Variants in CATSPERB observed in about 807,000 individuals in gnomAD.
CATSPERB encodes the protein cation channel sperm-associated auxiliary subunit beta.
A neutral mutation model predicts 128.3 loss-of-function variants in CATSPERB; 93 were observed. That is an observed-to-expected ratio of 0.72 (90% confidence interval 0.61 to 0.86). The LOEUF (loss-of-function observed/expected upper bound fraction) is 0.86. Ranked by LOEUF, CATSPERB falls within the 40% of genes least tolerant of loss-of-function variation. CATSPERB has a pLI of 0.00. For missense variants in CATSPERB, 1,153 were observed against 1,329.5 expected (o/e 0.87, Z 2.06); for synonymous variants, 381 against 448.8 (o/e 0.85, Z 1.91).
intron 21 of CATSPERB, 83 bp downstream of exon 21, chr14:91,610,397 G>A: frequency 1.8e-6 from 2 of 1,086,888 alleles, no homozygotes; most frequent in Middle Eastern, 2.2e-4. Flanking sequence ...CAAAAGAAAT[G>A]CTGAAACTGA....
chr14:91,661,049 A>G (rs1894872139), intron 14 of CATSPERB, among the ~76,000 whole-genome samples: 1 of 152,188 alleles, frequency 6.6e-6, no homozygotes, highest in African/African-American at 2.4e-5. Context: ...TCTGTTACTC[A>G]GGATGCAGCA....
intron 4 of CATSPERB, among the ~76,000 whole-genome samples, chr14:91,719,853 G>C (rs983582418): frequency 3.9e-5 from 6 of 152,266 alleles, no homozygotes; most frequent in Middle Eastern, 3.4e-3. Context: ...ATATTAAGAG[G>C]AAAATTCCAG....
intron 26 of CATSPERB, among the ~76,000 whole-genome samples, chr14:91,586,780 A>G (rs1281340002): frequency 1.3e-5 from 2 of 152,188 alleles, no homozygotes; most frequent in Non-Finnish European, 1.5e-5. Flanking sequence ...GGATCTTGAA[A>G]GCCTTTGAAA....
At chr14:91,729,846 C>T (rs923651950) in intron 1 of CATSPERB, among the ~76,000 whole-genome samples, 8 of 152,126 alleles carry the variant, frequency 5.3e-5, no homozygotes, top group Admixed American at 2.0e-4. Context: ...GACAACGTTG[C>T]TTTTGGGGAA....
intron 5 of CATSPERB, among the ~76,000 whole-genome samples, chr14:91,712,972 T>C (rs906999695): frequency 6.6e-6 from 1 of 152,166 alleles, no homozygotes; most frequent in Admixed American, 6.5e-5. Context: ...TCCTCATCAA[T>C]ATTATAATGA....
chr14:91,721,065 A>G (rs1161489660), intron 4 of CATSPERB, among the ~76,000 whole-genome samples: 1 of 152,176 alleles, frequency 6.6e-6, no homozygotes, highest in Non-Finnish European at 1.5e-5. Flanking sequence ...CACATCAAAT[A>G]CAAAAATGAA....
At position 91,624,622 on chromosome 14, in the gene CATSPERB, T is replaced by C. The variant is rs373977610; in HGVS notation, c.1930+198A>G. Among the ~76,000 whole-genome samples the C allele has an allele frequency of 1.2e-4, 18 of 148,136 alleles. No homozygotes were observed. The East Asian group carries it at 2.2e-3, about 18-fold the overall frequency. ...CGTCACTACACTCCAGCCTGGGCGA[T>C]AGAGCGAGACTCCATTGCCAAAAAA... On this transcript the variant is annotated intron_variant, in intron 18 of 26. Transcript: ENST00000256343.
chr14:91,624,760 CA>C (rs1239312183), intron 18 of CATSPERB, 59 bp downstream of exon 18: 2 of 1,303,862 alleles, frequency 1.5e-6, no homozygotes, highest in Non-Finnish European at 2.1e-6. Flanking sequence ...AATGCCTTCA[CA>C]AAAGATAATT....
At chr14:91,636,299 G>T in intron 17 of CATSPERB, 126 bp downstream of exon 17, 1 of 786,222 alleles carries the variant, frequency 1.3e-6, no homozygotes. Context: ...GGAGATTGAG[G>T]CTGCAGTGAG....
At chr14:91,722,841 GTA>G (rs1421835766) in intron 4 of CATSPERB, among the ~76,000 whole-genome samples, 1 of 151,996 alleles carries the variant, frequency 6.6e-6, no homozygotes, top group East Asian at 1.9e-4. Context: ...AAATATGTAG[GTA>G]AAGGGTACAA....
Position 91,580,834 on chromosome 14 carries a change from C to G in CATSPERB, c.*55G>C. ...ATATTTAACATTTAAATATATTGTT[C>G]TAGGAATTGGCTGATAAAACTAGAA... On this transcript the variant is annotated 3_prime_UTR_variant, in exon 27 of 27. Transcript: ENST00000256343. 7.4e-7 allele frequency: 1 copy of G among 1,344,330 alleles called. No homozygotes were observed. The highest frequency in any genetic ancestry group is 1.1e-6 in the Non-Finnish European group (1 of 947,526). The allele number at this position is 1,344,330 out of a possible 1,614,324, so 83.3% of individuals were successfully genotyped here.
chr14:91,603,466 T>C, intron 22 of CATSPERB: 3 of 1,376,564 alleles, frequency 2.2e-6, no homozygotes, highest in Non-Finnish European at 3.1e-6. Context: ...GTGGGCAAAT[T>C]CTGCTCCCTA....
rs1439979639 is a variant in CATSPERB at position 91,643,907 on chromosome 14, A to G, written c.1433-4657T>C. On this transcript the variant is annotated intron_variant, in intron 15 of 26. Coordinates refer to ENST00000256343, the MANE Select transcript of CATSPERB (RefSeq NM_024764.4). ...ATCTGGGTGCTCCTGTATTGGGTGC[A>G]TATATATTTAGGATAATTAGCTCTT... Among the ~76,000 whole-genome samples, 13 of 125,248 alleles carry G rather than the reference A, an allele frequency of 1.0e-4. 2 individuals carry two copies. The highest frequency in any genetic ancestry group is 4.0e-4 in the African/African-American group (13 of 32,390). The allele number at this position is 125,248 out of a possible 152,430, so 82.2% of individuals were successfully genotyped here. A position where few individuals can be genotyped will look rare whatever the true frequency, so the allele number is the denominator to read the frequency against.
At chr14:91,666,277 CT>C (rs1894981678) in intron 14 of CATSPERB, among the ~76,000 whole-genome samples, 1 of 152,204 alleles carries the variant, frequency 6.6e-6, no homozygotes, top group African/African-American at 2.4e-5. Context: ...ATTAAAACGG[CT>C]GCGGGGGTTC....
chr14:91,671,398 A>C (rs56394967), intron 13 of CATSPERB, among the ~76,000 whole-genome samples: 1 of 151,890 alleles, frequency 6.6e-6, no homozygotes, highest in South Asian at 2.1e-4. Context: ...ACATGACAAA[A>C]CCCCATCTCT....
intron 18 of CATSPERB, among the ~76,000 whole-genome samples, chr14:91,622,309 C>A (rs1358748552): frequency 6.6e-6 from 1 of 151,916 alleles, no homozygotes; most frequent in East Asian, 1.9e-4. Flanking sequence ...TCCCCAGTAC[C>A]TAAAGATGTG....
chr14:91,684,002 A>C, intron 10 of CATSPERB, 59 bp from the exon 11 acceptor site: 3 of 1,253,878 alleles, frequency 2.4e-6, no homozygotes, highest in Non-Finnish European at 3.3e-6. Context: ...ATCTTAAGAT[A>C]TAAGATAGAA....
chr14:91,659,808 G>A, intron 15 of CATSPERB, 29 bp downstream of exon 15: 4 of 1,595,326 alleles, frequency 2.5e-6, no homozygotes, highest in Non-Finnish European at 3.4e-6. Context: ...CACATGTAAT[G>A]CTTACACCAG....
intron 20 of CATSPERB, among the ~76,000 whole-genome samples, chr14:91,615,361 C>A (rs1015901744): frequency 6.6e-6 from 1 of 152,160 alleles, no homozygotes; most frequent in Admixed American, 6.5e-5. Context: ...TGAAACCATG[C>A]CCCCGCATCC....
Sources: allele counts gnomAD v4.1 joint callset (sites outside exome capture counted in the v4.1 genomes callset), GRCh38; gene constraint gnomAD v4.1.1; transcripts MANE v1.5; gene names NCBI Gene and HGNC (gene_info 2026-07-23, HGNC 2026-07-21).